Variants in DEFB131B observed in about 807,000 individuals in gnomAD.
The protein encoded by DEFB131B is beta-defensin 131B.
DEFB131B carries 2 observed loss-of-function variants against 2.1 expected under a neutral mutation model. The ratio of observed to expected loss-of-function variants is 0.94; its 90% CI spans 0.38 to 2.95. The LOEUF (loss-of-function observed/expected upper bound fraction) is 2.95, where lower values mean the gene tolerates loss of function less well. DEFB131B is among the 30% of genes most tolerant of loss of function. The pLI, the probability that DEFB131B is intolerant of heterozygous loss-of-function variation, is 0.09. For synonymous variants in DEFB131B, 26 were observed against 25.8 expected (o/e 1.01, Z -0.03); for missense variants, 77 against 78.5 (o/e 0.98, Z 0.07).
intron 1 of DEFB131B, among the ~76,000 whole-genome samples, chr11:71,881,587 T>C (rs1284727737): frequency 6.6e-6 from 1 of 151,938 alleles, no homozygotes; most frequent in African/African-American, 2.4e-5. Context: ...ATCAGCCATA[T>C]TGCACGAGGG....
At chr11:71,878,868 C>T (rs569789225) in intron 1 of DEFB131B, among the ~76,000 whole-genome samples, 6 of 151,986 alleles carry the variant, frequency 3.9e-5, no homozygotes, top group East Asian at 1.9e-4. Flanking sequence ...GGTATAGTGG[C>T]GCGTGCCTGT....
In DEFB131B at chr11:71,884,442, G is replaced by T. The variant is rs775354725; in HGVS notation, c.94G>T (p.Glu32Ter). 1.2e-6 allele frequency: 2 copies of T among 1,605,600 alleles called. No homozygotes were observed. The highest frequency in any genetic ancestry group is 2.2e-5 in the East Asian group (1 of 44,682). The change falls in exon 2 of 2, where the codon GAA becomes TAA. Residue 32 changes from glutamate to a stop codon, truncating the protein, a stop_gained. Coordinates refer to ENST00000530210, the MANE Select transcript of DEFB131B (RefSeq NM_001242853.1). LOFTEE classifies it low-confidence loss of function (END_TRUNC). ...SFTSNDECPSEYYHCRLKCNA... is the reference protein window; with the variant it reads ...SFTSNDECPS Reference sequence around the variant, plus strand: ...CACTTCTAATGATGAATGTCCTTCAGAATATTATCATTGCAGACTGAAGTG... The same window carrying T: ...CACTTCTAATGATGAATGTCCTTCATAATATTATCATTGCAGACTGAAGTG...
At position 71,878,520 on chromosome 11, in the gene DEFB131B, A is replaced by C; in HGVS notation, c.58+10A>C. On this transcript the variant is annotated intron_variant, in intron 1 of 1. Transcript: ENST00000530210. ...TCCACAGTTCCTCCAAGTAAGGCAGAAACTTTTTTATTCCAAAGTTCTAAA... is the reference window on the plus strand; with the variant it reads ...TCCACAGTTCCTCCAAGTAAGGCAGCAACTTTTTTATTCCAAAGTTCTAAA... 1 of 1,608,402 alleles carries C rather than the reference A, an allele frequency of 6.2e-7. No homozygotes were observed. The highest frequency in any genetic ancestry group is 2.2e-5 in the East Asian group (1 of 44,864).
intron 1 of DEFB131B, among the ~76,000 whole-genome samples, chr11:71,882,299 A>G (rs1590732412): frequency 6.6e-6 from 1 of 151,828 alleles, no homozygotes; most frequent in African/African-American, 2.4e-5. Context: ...TTTGTCACCC[A>G]GGCTGGAGTG....
intron 1 of DEFB131B, among the ~76,000 whole-genome samples, chr11:71,879,777 G>A (rs1364299872): frequency 6.6e-6 from 1 of 152,076 alleles, no homozygotes; most frequent in Non-Finnish European, 1.5e-5. Flanking sequence ...AGCAACCACT[G>A]ATCTAATTTT....
At chr11:71,880,614 A>G (rs1159658286) in intron 1 of DEFB131B, among the ~76,000 whole-genome samples, 2 of 151,944 alleles carry the variant, frequency 1.3e-5, no homozygotes, top group Admixed American at 6.6e-5. Flanking sequence ...TAGCTTGTTT[A>G]TAATCTTACT....
chr11:71,882,462 C>A (rs1475927110), intron 1 of DEFB131B, among the ~76,000 whole-genome samples: 2 of 152,136 alleles, frequency 1.3e-5, no homozygotes, highest in East Asian at 3.8e-4. Flanking sequence ...AACCCCTGAC[C>A]CCAGGTGATC....
intron 1 of DEFB131B, among the ~76,000 whole-genome samples, chr11:71,879,358 A>G (rs1333127013): frequency 6.6e-6 from 1 of 152,202 alleles, no homozygotes; most frequent in African/African-American, 2.4e-5. Context: ...TATTTATTAA[A>G]TAATCAATAT....
intron 1 of DEFB131B, among the ~76,000 whole-genome samples, chr11:71,881,177 A>G (rs1952559167): frequency 6.6e-6 from 1 of 152,186 alleles, no homozygotes; most frequent in Non-Finnish European, 1.5e-5. Flanking sequence ...CATTTTTAAT[A>G]TATCTATTCC....
intron 1 of DEFB131B, among the ~76,000 whole-genome samples, chr11:71,880,506 G>A (rs539085542): frequency 9.2e-5 from 14 of 152,042 alleles, no homozygotes; most frequent in Non-Finnish European, 1.6e-4. Flanking sequence ...TTTAAATCTC[G>A]AATTCACTTA....
At chr11:71,881,105 G>T (rs561595654) in intron 1 of DEFB131B, among the ~76,000 whole-genome samples, 1 of 152,278 alleles carries the variant, frequency 6.6e-6, no homozygotes, top group Non-Finnish European at 1.5e-5. Context: ...TGCTGAAAGT[G>T]GGGTATTGAA....
intron 1 of DEFB131B, 121 bp downstream of exon 1, chr11:71,878,631 C>T (rs1565118146): frequency 1.0e-6 from 1 of 1,004,946 alleles, no homozygotes; most frequent in Non-Finnish European, 1.4e-6. Context: ...ATGAAGGCTG[C>T]TCAGAAGATT....
chr11:71,879,767 A>G (rs1473601842), intron 1 of DEFB131B, among the ~76,000 whole-genome samples: 1 of 152,138 alleles, frequency 6.6e-6, no homozygotes, highest in Non-Finnish European at 1.5e-5. Context: ...CCCAGTCCCT[A>G]GCAACCACTG....
At chr11:71,879,049 C>G (rs1451044963) in intron 1 of DEFB131B, among the ~76,000 whole-genome samples, 1 of 151,852 alleles carries the variant, frequency 6.6e-6, no homozygotes, top group Non-Finnish European at 1.5e-5. Context: ...TGTGTTTGAT[C>G]AAAAGATGGT....
intron 1 of DEFB131B, among the ~76,000 whole-genome samples, chr11:71,882,947 G>C (rs898866013): frequency 4.6e-5 from 7 of 152,218 alleles, no homozygotes; most frequent in African/African-American, 4.8e-5. Context: ...TGTTTCTATA[G>C]CACTAACAGC....
chr11:71,881,990 C>T (rs944139014), intron 1 of DEFB131B, among the ~76,000 whole-genome samples: 1 of 151,834 alleles, frequency 6.6e-6, no homozygotes, highest in Admixed American at 6.6e-5. Flanking sequence ...ACAAAATCTA[C>T]ATATCTAGGA....
intron 1 of DEFB131B, among the ~76,000 whole-genome samples, chr11:71,880,162 T>C (rs899532469): frequency 1.3e-4 from 20 of 152,150 alleles, no homozygotes; most frequent in Non-Finnish European, 2.5e-4. Context: ...AATAAGTCAA[T>C]TGATAATCTA....
chr11:71,882,477 C>G (rs1393315168), intron 1 of DEFB131B, among the ~76,000 whole-genome samples: 1 of 152,182 alleles, frequency 6.6e-6, no homozygotes. Context: ...GTGATCTGCC[C>G]GCCTTGGCCT....
chr11:71,880,904 T>G (rs1952557167), intron 1 of DEFB131B, among the ~76,000 whole-genome samples: 1 of 152,336 alleles, frequency 6.6e-6, no homozygotes, highest in South Asian at 2.1e-4. Flanking sequence ...TTTTCAAAAT[T>G]TGTTGAAACT....
Sources: gnomAD v4.1 joint callset for allele counts (sites outside exome capture counted in the v4.1 genomes callset) on GRCh38, gnomAD v4.1.1 for gene constraint, MANE v1.5 for transcripts, NCBI Gene and HGNC (gene_info 2026-07-23, HGNC 2026-07-21) for gene names.